The following MITF variants were observed in gnomAD, a reference collection of about 807,000 sequenced individuals.
The protein encoded by MITF is melanocyte inducing transcription factor.
A neutral mutation model predicts 60.5 loss-of-function variants in MITF; 17 were observed. The observed-to-expected ratio is 0.28, with a 90% CI of 0.19 to 0.42. MITF has a LOEUF of 0.42. MITF is among the 10% of genes least tolerant of loss of function. The pLI is 1.00. For missense variants in MITF, 622 were observed against 683.5 expected (o/e 0.91, Z 1.00); for synonymous variants, 260 against 248.5 (o/e 1.05, Z -0.43).
chr3:69,880,358 T>C (rs1447549007), intron 2 of MITF, among the ~76,000 whole-genome samples: 1 of 152,172 alleles, frequency 6.6e-6, no homozygotes, highest in Non-Finnish European at 1.5e-5. Context: ...CTGTGAACCT[T>C]ACCAGGAAGT....
At chr3:69,916,243 A>G (rs917401794) in intron 2 of MITF, among the ~76,000 whole-genome samples, 1 of 152,182 alleles carries the variant, frequency 6.6e-6, no homozygotes, top group Non-Finnish European at 1.5e-5. Flanking sequence ...AAATAATCAC[A>G]TAATAATTCA....
intron 1 of MITF, among the ~76,000 whole-genome samples, chr3:69,807,035 T>A (rs577224905): frequency 8.5e-5 from 13 of 152,360 alleles, no homozygotes; most frequent in South Asian, 2.1e-4. Flanking sequence ...GCGTAGATTG[T>A]TCAGAATTTT....
intron 7 of MITF, among the ~76,000 whole-genome samples, chr3:69,954,764 A>G (rs2066354000): frequency 6.6e-6 from 1 of 152,220 alleles, no homozygotes; most frequent in Non-Finnish European, 1.5e-5. Flanking sequence ...TATTTTATAC[A>G]AGCCTAATGG....
At position 69,965,200 on chromosome 3, in the gene MITF, C is replaced by G; in HGVS notation, c.1533C>G (p.Ser511Arg). Residue 511 changes from serine (S) to arginine (R), a missense_variant, in exon 10 of 10, where the codon AGC (serine) becomes AGG (arginine). Ser to Arg is a moderately radical substitution (Grantham distance 110). Coordinates refer to ENST00000352241, the MANE Select transcript of MITF (RefSeq NM_001354604.2). ...TGTCCCCCGGAGCTTCCAAAACAAG[C>G]AGCCGGAGGAGCAGTATGAGCATGG... is the stretch of plus-strand genomic sequence containing the variant. ...SSVSPGASKTSSRRSSMSMEE... is the reference protein window; with the variant it reads ...SSVSPGASKTRSRRSSMSMEE... 6.2e-7 allele frequency: 1 copy of G among 1,613,700 alleles called. No individual in the cohort carries two copies. The highest frequency in any genetic ancestry group is 8.5e-7 in the Non-Finnish European group (1 of 1,179,628).
chr3:69,902,859 T>C (rs1337762443), intron 2 of MITF, among the ~76,000 whole-genome samples: 1 of 151,928 alleles, frequency 6.6e-6, no homozygotes, highest in Admixed American at 6.6e-5. Flanking sequence ...CCTTTTTTTT[T>C]AAGGTAAAAT....
At chr3:69,857,815 T>A (rs2063945685) in intron 1 of MITF, among the ~76,000 whole-genome samples, 1 of 152,236 alleles carries the variant, frequency 6.6e-6, no homozygotes, top group Admixed American at 6.5e-5. Flanking sequence ...TCAATAAATA[T>A]TTGTTTAGTG....
intron 2 of MITF, among the ~76,000 whole-genome samples, chr3:69,897,105 G>A (rs878944725): frequency 2.6e-5 from 4 of 152,160 alleles, no homozygotes; most frequent in African/African-American, 9.7e-5. Context: ...GGATGAGCAG[G>A]GGCCAGGAGC....
At chr3:69,888,254 A>G (rs760219051) in intron 2 of MITF, among the ~76,000 whole-genome samples, 4 of 152,058 alleles carry the variant, frequency 2.6e-5, no homozygotes, top group Admixed American at 1.3e-4. Flanking sequence ...GGAAAGGCTT[A>G]AGAAATTCTT....
At chr3:69,811,244 G>A (rs2063095805) in intron 1 of MITF, among the ~76,000 whole-genome samples, 1 of 152,172 alleles carries the variant, frequency 6.6e-6, no homozygotes, top group Non-Finnish European at 1.5e-5. Flanking sequence ...TACTTTACGA[G>A]TATTTACATG....
chr3:69,744,370 G>GC (rs11396552), intron 1 of MITF, among the ~76,000 whole-genome samples: 133,733 of 152,066 alleles, frequency 0.88, 59,434 homozygotes, highest in East Asian at 1. Flanking sequence ...TGTCTAATCT[G>GC]AGGGAACCAC....
intron 2 of MITF, among the ~76,000 whole-genome samples, chr3:69,928,961 G>A (rs1294121550): frequency 6.6e-6 from 1 of 152,222 alleles, no homozygotes; most frequent in African/African-American, 2.4e-5. Flanking sequence ...TCTTTGGGCA[G>A]CCCCTGATAG....
intron 1 of MITF, among the ~76,000 whole-genome samples, chr3:69,851,703 G>A (rs1167388380): frequency 1.3e-5 from 2 of 152,194 alleles, no homozygotes; most frequent in African/African-American, 2.4e-5. Context: ...ATTTTGAGGT[G>A]ATGGAACTGT....
chr3:69,804,995 A>T (rs2062982807), intron 1 of MITF, among the ~76,000 whole-genome samples: 1 of 152,220 alleles, frequency 6.6e-6, no homozygotes, highest in African/African-American at 2.4e-5. Flanking sequence ...TTTTTAAATA[A>T]AGCTTGTCAT....
chr3:69,816,872 T>C (rs1047971072), intron 1 of MITF, among the ~76,000 whole-genome samples: 1 of 152,208 alleles, frequency 6.6e-6, no homozygotes, highest in Non-Finnish European at 1.5e-5. Context: ...TAAGTGAGGA[T>C]GTTACATAGA....
intron 2 of MITF, among the ~76,000 whole-genome samples, chr3:69,902,874 A>G (rs761527334): frequency 5.6e-5 from 8 of 143,816 alleles, no homozygotes; most frequent in Non-Finnish European, 1.2e-4. Context: ...TAAAATGCAG[A>G]AAAAAAAACC....
chr3:69,799,128 A>G (rs1442447529), intron 1 of MITF, among the ~76,000 whole-genome samples: 1 of 152,208 alleles, frequency 6.6e-6, no homozygotes, highest in Non-Finnish European at 1.5e-5. Flanking sequence ...GATTATGATG[A>G]TAATCTGATG....
chr3:69,741,242 C>T (rs1703518233), intron 1 of MITF, among the ~76,000 whole-genome samples: 1 of 152,106 alleles, frequency 6.6e-6, no homozygotes, highest in African/African-American at 2.4e-5. Flanking sequence ...TGGTTATGCT[C>T]ATCAGGGCTT....
chr3:69,926,107 GA>G (rs2065579957), intron 2 of MITF, among the ~76,000 whole-genome samples: 1 of 152,216 alleles, frequency 6.6e-6, no homozygotes, highest in African/African-American at 2.4e-5. Context: ...ACCTGCATGC[GA>G]AGCTCTCAGC....
intron 5 of MITF, among the ~76,000 whole-genome samples, chr3:69,943,447 A>G (rs965633892): frequency 1.3e-5 from 2 of 152,124 alleles, no homozygotes; most frequent in Non-Finnish European, 2.9e-5. Context: ...GGGCTGTTAT[A>G]TATACCTATA....
Sources: allele counts gnomAD v4.1 joint callset (sites outside exome capture counted in the v4.1 genomes callset), GRCh38; gene constraint gnomAD v4.1.1; transcripts MANE v1.5; gene names NCBI Gene and HGNC (gene_info 2026-07-23, HGNC 2026-07-21).